CCSER1: variants seen among roughly 807,000 people sequenced by gnomAD.
CCSER1 encodes the protein coiled-coil serine rich protein 1, also known as serine-rich coiled-coil domain-containing protein 1.
In CCSER1, 41 loss-of-function variants were observed where a neutral mutation model predicts 82.0. The observed-to-expected ratio is 0.50, with a 90% CI of 0.39 to 0.65. The LOEUF is 0.65. Among genes scored for constraint, CCSER1 ranks in the 30% least tolerant of loss-of-function variants. CCSER1 has a pLI of 0.00. For missense variants in CCSER1, 1,119 were observed against 1,064.2 expected (o/e 1.05, Z -0.72); for synonymous variants, 414 against 383.9 (o/e 1.08, Z -0.92).
intron 5 of CCSER1, among the ~76,000 whole-genome samples, chr4:90,564,171 G>GACA (rs1390021979): frequency 6.6e-6 from 1 of 151,654 alleles, no homozygotes; most frequent in Non-Finnish European, 1.5e-5. Context: ...ATTTATTTAA[G>GACA]ACAAGATCTT....
At chr4:90,295,807 T>C (rs970601011) in intron 1 of CCSER1, among the ~76,000 whole-genome samples, 1 of 152,074 alleles carries the variant, frequency 6.6e-6, no homozygotes, top group Non-Finnish European at 1.5e-5. Context: ...GACCACATCC[T>C]GGCTTAGCTT....
chr4:90,580,046 G>GT (rs1781256292), intron 5 of CCSER1, among the ~76,000 whole-genome samples: 1 of 152,024 alleles, frequency 6.6e-6, no homozygotes, highest in African/African-American at 2.4e-5. Context: ...ACTAATTATT[G>GT]TTTTTTAGCA....
intron 8 of CCSER1, among the ~76,000 whole-genome samples, chr4:90,878,350 C>T (rs1287965549): frequency 6.6e-6 from 1 of 152,074 alleles, no homozygotes; most frequent in Non-Finnish European, 1.5e-5. Flanking sequence ...TTATTTTGGC[C>T]TTTTAAAATT....
intron 2 of CCSER1, 22 bp from the exon 3 acceptor site, chr4:90,312,841 T>G: frequency 6.7e-7 from 1 of 1,487,580 alleles, no homozygotes; most frequent in Non-Finnish European, 9.1e-7. Context: ...ACCTTCATTT[T>G]TATTTATTTT....
At chr4:90,633,117 A>G (rs1164479772) in intron 6 of CCSER1, among the ~76,000 whole-genome samples, 1 of 152,046 alleles carries the variant, frequency 6.6e-6, no homozygotes, top group African/African-American at 2.4e-5. Flanking sequence ...GATCTTGTGA[A>G]CTTGTACCTT....
At chr4:90,474,944 A>G (rs1379728857) in intron 5 of CCSER1, among the ~76,000 whole-genome samples, 3 of 152,150 alleles carry the variant, frequency 2.0e-5, no homozygotes, top group Non-Finnish European at 4.4e-5. Flanking sequence ...TATTGTGGAA[A>G]TCCTAACATG....
At chr4:90,489,393 G>A (rs1277525437) in intron 5 of CCSER1, among the ~76,000 whole-genome samples, 1 of 152,186 alleles carries the variant, frequency 6.6e-6, no homozygotes, top group Non-Finnish European at 1.5e-5. Flanking sequence ...AACAGTTTTA[G>A]GGAGTATATA....
intron 1 of CCSER1, among the ~76,000 whole-genome samples, chr4:90,239,676 G>A (rs530921926): frequency 6.6e-6 from 1 of 152,098 alleles, no homozygotes; most frequent in South Asian, 2.1e-4. Context: ...GTGGGCTCTT[G>A]CATTGTTGCT....
At chr4:90,810,160 C>T (rs1452589633) in intron 7 of CCSER1, among the ~76,000 whole-genome samples, 1 of 151,990 alleles carries the variant, frequency 6.6e-6, no homozygotes, top group Non-Finnish European at 1.5e-5. Context: ...TGGTGTTTCA[C>T]TGTGTTACCC....
chr4:90,548,727 GATATATATAT>G (rs60880201), intron 5 of CCSER1, among the ~76,000 whole-genome samples: 1 of 143,612 alleles, frequency 7.0e-6, no homozygotes, highest in African/African-American at 2.5e-5. Flanking sequence ...ATCATTTAAA[GATATATATAT>G]ATATATATAT....
intron 5 of CCSER1, among the ~76,000 whole-genome samples, chr4:90,595,338 A>T (rs1483806481): frequency 2.0e-5 from 3 of 151,980 alleles, no homozygotes; most frequent in Non-Finnish European, 4.4e-5. Flanking sequence ...AAGAACGTTT[A>T]GTGTTTGAAA....
chr4:90,508,618 G>C (rs1246318374), intron 5 of CCSER1, among the ~76,000 whole-genome samples: 1 of 151,988 alleles, frequency 6.6e-6, no homozygotes, highest in African/African-American at 2.4e-5. Context: ...TTAGTATAGT[G>C]ATGAGACATT....
At chr4:90,203,863 G>A (rs1363540108) in intron 1 of CCSER1, among the ~76,000 whole-genome samples, 1 of 152,080 alleles carries the variant, frequency 6.6e-6, no homozygotes, top group Non-Finnish European at 1.5e-5. Flanking sequence ...GTTGTTTCCT[G>A]ATTTTTTAAT....
At chr4:91,026,917 A>T (rs1039486707) in intron 9 of CCSER1, among the ~76,000 whole-genome samples, 1 of 152,084 alleles carries the variant, frequency 6.6e-6, no homozygotes, top group East Asian at 1.9e-4. Context: ...CAGGCTTGGC[A>T]TGAAGCCTGT....
chr4:91,528,454 T>G (rs1760874788), intron 10 of CCSER1, among the ~76,000 whole-genome samples: 1 of 152,140 alleles, frequency 6.6e-6, no homozygotes, highest in African/African-American at 2.4e-5. Context: ...AGGTAAATAC[T>G]TTGACAAATT....
chr4:90,888,047 G>A (rs766424316), intron 8 of CCSER1, among the ~76,000 whole-genome samples: 3 of 152,134 alleles, frequency 2.0e-5, no homozygotes, highest in Admixed American at 6.6e-5. Context: ...GACAAAATAA[G>A]TTATAATTAA....
intron 10 of CCSER1, among the ~76,000 whole-genome samples, chr4:91,554,992 A>G (rs1560759924): frequency 6.6e-6 from 1 of 151,350 alleles, no homozygotes; most frequent in East Asian, 1.9e-4. Context: ...CTTGCAGAAG[A>G]ATAAAATTGG....
intron 10 of CCSER1, among the ~76,000 whole-genome samples, chr4:91,174,182 A>G (rs1026780944): frequency 1.3e-5 from 2 of 152,174 alleles, no homozygotes; most frequent in African/African-American, 4.8e-5. Context: ...AGTTAAATCA[A>G]CTGACAGCTT....
At chr4:90,905,742 C>T (rs1725375869) in intron 8 of CCSER1, among the ~76,000 whole-genome samples, 1 of 152,136 alleles carries the variant, frequency 6.6e-6, no homozygotes. Flanking sequence ...GTGTGCTGCT[C>T]TCTATACATC....
Sources: gnomAD v4.1 joint callset for allele counts (sites outside exome capture counted in the v4.1 genomes callset) on GRCh38, gnomAD v4.1.1 for gene constraint, MANE v1.5 for transcripts, NCBI Gene and HGNC (gene_info 2026-07-23, HGNC 2026-07-21) for gene names.